Variants in SFXN2 observed in about 807,000 individuals in gnomAD.
SFXN2 encodes sideroflexin 2.
SFXN2 carries 37 observed loss-of-function variants against 41.9 expected under a neutral mutation model. The ratio of observed to expected loss-of-function variants is 0.88; its 90% CI spans 0.68 to 1.16. The LOEUF (loss-of-function observed/expected upper bound fraction) is 1.16. SFXN2 is among the 50% of genes most tolerant of loss of function. SFXN2 has a pLI of 0.00. For missense variants in SFXN2, 386 were observed against 425.2 expected, an observed-to-expected ratio of 0.91 and a Z score of 0.81; for synonymous variants, 150 against 156.7, an observed-to-expected ratio of 0.96 and a Z score of 0.32.
intron 11 of SFXN2, among the ~76,000 whole-genome samples, chr10:102,737,140 G>A (rs905994593): frequency 3.3e-5 from 5 of 151,980 alleles, no homozygotes; most frequent in African/African-American, 9.7e-5. Context: ...GGCAACAAGA[G>A]TGAAACTCCA....
At chr10:102,722,925 C>CTT (rs71019608) in intron 1 of SFXN2, among the ~76,000 whole-genome samples, 5 of 53,358 alleles carry the variant, frequency 9.4e-5, no homozygotes, top group African/African-American at 1.6e-4. Context: ...CAAGAAAGTC[C>CTT]TTTTTTTTTT....
intron 1 of SFXN2, among the ~76,000 whole-genome samples, chr10:102,722,925 C>CTTT (rs71019608): frequency 1.9e-5 from 1 of 53,354 alleles, no homozygotes; most frequent in Non-Finnish European, 3.3e-5. Context: ...CAAGAAAGTC[C>CTTT]TTTTTTTTTT....
chr10:102,737,242 A>T (rs1590157500), intron 11 of SFXN2, among the ~76,000 whole-genome samples: 1 of 152,166 alleles, frequency 6.6e-6, no homozygotes, highest in Non-Finnish European at 1.5e-5. Flanking sequence ...TGTGTGTCCA[A>T]GAAGGAGGAA....
At chr10:102,731,124 G>A (rs140509582) in intron 6 of SFXN2, among the ~76,000 whole-genome samples, 10 of 151,230 alleles carry the variant, frequency 6.6e-5, no homozygotes, top group Admixed American at 2.0e-4. Context: ...AAAATTAGCC[G>A]GGCATGGTGG....
At chr10:102,732,341 T>A in intron 8 of SFXN2, 123 bp downstream of exon 8, 1 of 753,296 alleles carries the variant, frequency 1.3e-6, no homozygotes, top group Non-Finnish European at 2.2e-6. Context: ...TCAAACTGCT[T>A]TGCTTGATTG....
Position 102,726,737 on chromosome 10 carries a change from G to A in SFXN2, c.101G>A (p.Arg34His), listed in dbSNP as rs201929596. 11 of 1,614,100 alleles carry A rather than the reference G, an allele frequency of 6.8e-6. No homozygotes were observed. In the Admixed American group the frequency reaches 1.2e-4, roughly 17 times the overall value. ...CACTTCCTAAACATCACGGACCCCCGCACTGTCTTTGTATCTGAGCGGGAG... is the reference window on the plus strand; with the variant it reads ...CACTTCCTAAACATCACGGACCCCCACACTGTCTTTGTATCTGAGCGGGAG... ...VKHFLNITDP[R>H]TVFVSERELD... Residue 34 changes from arginine (R) to histidine (H), a missense_variant, in exon 2 of 12, where the codon CGC becomes CAC. Coordinates refer to ENST00000369893, the MANE Select transcript of SFXN2 (RefSeq NM_178858.6).
At position 102,733,619 on chromosome 10, in the gene SFXN2, T is replaced by C. The variant is rs374582126; in HGVS notation, c.821+16T>C. ...GCGGGTGCTTGTAAGTATCATATTT[T>C]GATGATTTGGGTTCTGCGTGGCTGG... On this transcript the variant is annotated intron_variant, in intron 10 of 11. Coordinates refer to ENST00000369893, the MANE Select transcript of SFXN2 (RefSeq NM_178858.6). 2.5e-6 allele frequency: 4 copies of C among 1,612,692 alleles called. No individual in the cohort carries two copies. The highest frequency in any genetic ancestry group is 1.7e-5 in the Admixed American group (1 of 59,992).
Position 102,726,626 on chromosome 10 carries a change from G to A in SFXN2, c.-11G>A, listed in dbSNP as rs1418720991. On this transcript the variant is annotated 5_prime_UTR_variant, in exon 2 of 12. In the 5' UTR this introduces an upstream ATG that the reference lacks. Coordinates refer to ENST00000369893, the MANE Select transcript of SFXN2 (RefSeq NM_178858.6). ...TTGTCCCTTAGGTCCACAGTTTTATGTGTGAGCAAGATGGAGGCTGACCTG... is the reference window on the plus strand; with the variant it reads ...TTGTCCCTTAGGTCCACAGTTTTATATGTGAGCAAGATGGAGGCTGACCTG... 6.2e-7 allele frequency: 1 copy of A among 1,614,076 alleles called. No homozygotes were observed. Among genetic ancestry groups the A allele is most frequent in the Non-Finnish European group, 8.5e-7 (1 of 1,179,962 alleles).
At chr10:102,735,399 G>T (rs2064761881) in intron 10 of SFXN2, among the ~76,000 whole-genome samples, 1 of 140,412 alleles carries the variant, frequency 7.1e-6, no homozygotes, top group Non-Finnish European at 1.5e-5. Flanking sequence ...GTTCCTCCAA[G>T]TTGCTCCTGT....
intron 10 of SFXN2, among the ~76,000 whole-genome samples, chr10:102,735,219 C>T (rs1327047653): frequency 2.1e-5 from 3 of 145,330 alleles, no homozygotes; most frequent in Middle Eastern, 8.1e-3. Flanking sequence ...CCCTCCATGT[C>T]CTTCTCCCTC....
chr10:102,729,397 ATGGTCTGGGGCCG>A lies in SFXN2; in HGVS notation c.507+4_507+16del. The A allele has an allele frequency of 6.2e-7, 1 of 1,614,052 alleles. No individual in the cohort carries two copies. The highest frequency in any genetic ancestry group is 8.5e-7 in the Non-Finnish European group (1 of 1,179,980). ...TGGGCATGAACATGTTGACAAAGGT[ATGGTCTGGGGCCG>A]CTGCAGCATGGTGGCCACGCGGGGG... is the stretch of plus-strand genomic sequence containing the variant. On this transcript the variant is annotated splice_donor_5th_base_variant and intron_variant, in intron 5 of 11. Transcript: ENST00000369893.
intron 1 of SFXN2, among the ~76,000 whole-genome samples, chr10:102,724,657 G>T (rs777935220): frequency 6.6e-6 from 1 of 151,888 alleles, no homozygotes; most frequent in Non-Finnish European, 1.5e-5. Context: ...AGCCGAGATC[G>T]TGCCATTGTA....
chr10:102,737,355 A>G (rs911065108), intron 11 of SFXN2, among the ~76,000 whole-genome samples: 1 of 151,954 alleles, frequency 6.6e-6, no homozygotes, highest in African/African-American at 2.4e-5. Context: ...ATACCCAGAC[A>G]ATTCCAGTCT....
At chr10:102,737,564 T>C in intron 11 of SFXN2, 99 bp from the exon 12 acceptor site, 2 of 766,366 alleles carry the variant, frequency 2.6e-6, no homozygotes, top group South Asian at 1.5e-5. Context: ...TAATCCTAGA[T>C]GGAAAAATCA....
chr10:102,733,440 G>A (rs993269939), intron 9 of SFXN2, 114 bp from the exon 10 acceptor site: 31 of 811,346 alleles, frequency 3.8e-5, no homozygotes, highest in Middle Eastern at 3.1e-4. Context: ...GAGCCACTGC[G>A]CCCAGCCACC....
chr10:102,726,541 T>G, intron 1 of SFXN2, 71 bp from the exon 2 acceptor site: 1 of 1,477,402 alleles, frequency 6.8e-7, no homozygotes. Context: ...TCTGCAACAG[T>G]GGGACGTGCT....
At chr10:102,728,884 T>C (rs1473815302) in intron 4 of SFXN2, among the ~76,000 whole-genome samples, 2 of 152,054 alleles carry the variant, frequency 1.3e-5, no homozygotes, top group African/African-American at 4.8e-5. Context: ...GGCAGGCAGA[T>C]TGCCTAAGAT....
intron 9 of SFXN2, 25 bp from the exon 10 acceptor site, chr10:102,733,529 C>T: frequency 1.2e-6 from 2 of 1,601,778 alleles, no homozygotes; most frequent in Non-Finnish European, 8.6e-7. Flanking sequence ...CCATGTGGAT[C>T]TGTCTTTTAT....
At chr10:102,723,533 T>A (rs1347266913) in intron 1 of SFXN2, among the ~76,000 whole-genome samples, 4 of 152,156 alleles carry the variant, frequency 2.6e-5, no homozygotes, top group Non-Finnish European at 5.9e-5. Flanking sequence ...ATTACAGGTG[T>A]GAGCCACTGC....
Sources: allele counts gnomAD v4.1 joint callset (sites outside exome capture counted in the v4.1 genomes callset), GRCh38; gene constraint gnomAD v4.1.1; transcripts MANE v1.5; gene names NCBI Gene and HGNC (gene_info 2026-07-23, HGNC 2026-07-21).